The following DIAPH2 variants were observed in gnomAD, a reference collection of about 807,000 sequenced individuals.
DIAPH2 encodes the protein protein diaphanous homolog 2.
In DIAPH2, 35 loss-of-function variants were observed where a neutral mutation model predicts 92.7. That is an observed-to-expected ratio of 0.38 (90% CI 0.29 to 0.50). The LOEUF (loss-of-function observed/expected upper bound fraction) is 0.50. Ranked by LOEUF, DIAPH2 falls within the 20% of genes least tolerant of loss-of-function variation. The probability of loss-of-function intolerance (pLI) is 0.94; values close to 1 mark genes in which losing one functional copy is unlikely to be tolerated. For synonymous variants in DIAPH2, 301 were observed against 280.4 expected (o/e 1.07, Z -0.73); for missense variants, 701 against 819.5 (o/e 0.86, Z 1.77).
chrX:97,293,021 T>C (rs1407969013), intron 23 of DIAPH2, among the ~76,000 whole-genome samples: 1 of 110,290 alleles, frequency 9.1e-6, no homozygotes, highest in African/African-American at 3.3e-5. Flanking sequence ...AGATAAGCAT[T>C]CCCTAATTAA....
chrX:97,074,852 T>C (rs1342372339), intron 18 of DIAPH2, among the ~76,000 whole-genome samples: 1 of 112,043 alleles, frequency 8.9e-6, no homozygotes, highest in African/African-American at 3.2e-5. Flanking sequence ...ATCTCTTAAG[T>C]TTTCATGGGT....
At chrX:97,189,440 T>A (rs866188242) in intron 22 of DIAPH2, among the ~76,000 whole-genome samples, 7 of 54,750 alleles carry the variant, frequency 1.3e-4, no homozygotes, top group Non-Finnish European at 2.3e-4. Flanking sequence ...TCCCCCCCCC[T>A]CCCTCCCTCC....
chrX:96,852,393 A>G (rs1468950440), intron 4 of DIAPH2, among the ~76,000 whole-genome samples: 1 of 112,201 alleles, frequency 8.9e-6, no homozygotes, highest in Non-Finnish European at 1.9e-5. Context: ...TTTGAACACA[A>G]TCCTTTTTGT....
intron 17 of DIAPH2, among the ~76,000 whole-genome samples, chrX:97,028,605 T>C (rs1175191095): frequency 1.8e-5 from 2 of 112,346 alleles, no homozygotes. Flanking sequence ...GCTTCCAAGG[T>C]TCATCCGTGT....
In DIAPH2 at chrX:96,795,970, C is replaced by G. The variant is rs1056952140; in HGVS notation, c.447+37712C>G. Among the ~76,000 whole-genome samples the G allele has an allele frequency of 4.5e-4, 50 of 110,790 alleles. 1 individual carries two copies. The highest frequency in any genetic ancestry group is 1.5e-3 in the African/African-American group (47 of 30,476). On this transcript the variant is annotated intron_variant, in intron 4 of 26. Coordinates refer to ENST00000324765, the MANE Select transcript of DIAPH2 (RefSeq NM_006729.5). ...TGTCTGCAGTTTTCACATCTGGAGACACAACCAACGGAGAAATAGTGGATG... is the reference window on the plus strand; with the variant it reads ...TGTCTGCAGTTTTCACATCTGGAGAGACAACCAACGGAGAAATAGTGGATG...
chrX:97,219,311 T>C (rs2067907073), intron 22 of DIAPH2, among the ~76,000 whole-genome samples: 1 of 112,381 alleles, frequency 8.9e-6, no homozygotes, highest in Non-Finnish European at 1.9e-5. Context: ...TGCTTTTTTA[T>C]TTCTTTTCAC....
intron 4 of DIAPH2, among the ~76,000 whole-genome samples, chrX:96,765,625 T>C (rs897430264): frequency 8.0e-5 from 9 of 111,943 alleles, no homozygotes; most frequent in Non-Finnish European, 1.5e-4. Flanking sequence ...GCATACTATA[T>C]TTAGAGTTTC....
chrX:97,359,835 C>T (rs190554773), intron 24 of DIAPH2, among the ~76,000 whole-genome samples: 90 of 110,784 alleles, frequency 8.1e-4, no homozygotes, highest in Non-Finnish European at 1.9e-5. Flanking sequence ...CTCAGCCTCC[C>T]AAAGTGCTGG....
At chrX:96,692,435 C>T (rs887853131) in intron 1 of DIAPH2, among the ~76,000 whole-genome samples, 1 of 111,967 alleles carries the variant, frequency 8.9e-6, no homozygotes, top group African/African-American at 3.2e-5. Flanking sequence ...AATTGATATA[C>T]ATGTCACTGA....
At chrX:97,171,748 G>A (rs1458526240) in intron 22 of DIAPH2, among the ~76,000 whole-genome samples, 1 of 111,462 alleles carries the variant, frequency 9.0e-6, no homozygotes, top group Non-Finnish European at 1.9e-5. Flanking sequence ...AGACCATCCT[G>A]GCTAACACAG....
chrX:96,999,498 CAAAA>C (rs756579556), intron 17 of DIAPH2, among the ~76,000 whole-genome samples: 4 of 47,361 alleles, frequency 8.4e-5, no homozygotes, highest in East Asian at 7.1e-4. Context: ...GAGACTGTCT[CAAAA>C]AAAAAAAAAA....
At chrX:96,991,836 T>C (rs1031160705) in intron 17 of DIAPH2, among the ~76,000 whole-genome samples, 1 of 111,280 alleles carries the variant, frequency 9.0e-6, no homozygotes, top group African/African-American at 3.3e-5. Flanking sequence ...GTTTTCTCTG[T>C]CTCTAAGCTT....
chrX:97,137,119 A>C (rs2067175298), intron 21 of DIAPH2, among the ~76,000 whole-genome samples: 1 of 107,344 alleles, frequency 9.3e-6, no homozygotes, highest in South Asian at 4.3e-4. Flanking sequence ...CCCTAAAAAA[A>C]TGTACAGTGC....
intron 3 of DIAPH2, among the ~76,000 whole-genome samples, chrX:96,753,229 A>G (rs755013575): frequency 1.6e-3 from 182 of 112,109 alleles, no homozygotes; most frequent in Non-Finnish European, 8.4e-4. Context: ...ACTGAAATTT[A>G]ACCAGAATTT....
intron 17 of DIAPH2, among the ~76,000 whole-genome samples, chrX:97,010,791 A>G (rs1435603438): frequency 8.9e-6 from 1 of 111,942 alleles, no homozygotes; most frequent in Non-Finnish European, 1.9e-5. Flanking sequence ...GATCTTTCCC[A>G]TTGTACTTTT....
intron 26 of DIAPH2, among the ~76,000 whole-genome samples, chrX:97,581,112 A>T (rs1338212518): frequency 9.7e-6 from 1 of 103,520 alleles, no homozygotes; most frequent in Non-Finnish European, 2.0e-5. Flanking sequence ...GATCCTTTCA[A>T]AAAACCAGCT....
At chrX:96,718,258 G>C (rs1234529612) in intron 1 of DIAPH2, among the ~76,000 whole-genome samples, 1 of 94,863 alleles carries the variant, frequency 1.1e-5, no homozygotes, top group Non-Finnish European at 2.0e-5. Flanking sequence ...TTCCATCTGT[G>C]CTGTTATAAA....
chrX:97,351,529 A>G (rs1483725579), intron 24 of DIAPH2, among the ~76,000 whole-genome samples: 1 of 112,249 alleles, frequency 8.9e-6, no homozygotes, highest in Non-Finnish European at 1.9e-5. Flanking sequence ...AAAAAGTGAC[A>G]TTAGGGCCCG....
At chrX:97,000,620 TACAC>T (rs56284459) in intron 17 of DIAPH2, among the ~76,000 whole-genome samples, 240 of 99,765 alleles carry the variant, frequency 2.4e-3, no homozygotes, top group African/African-American at 5.5e-3. Flanking sequence ...TACAAATGAA[TACAC>T]ACACACACAC....
Sources: gnomAD v4.1 joint callset for allele counts (sites outside exome capture counted in the v4.1 genomes callset) on GRCh38, gnomAD v4.1.1 for gene constraint, MANE v1.5 for transcripts, NCBI Gene and HGNC (gene_info 2026-07-23, HGNC 2026-07-21) for gene names.